Variants in CADM2 observed in about 807,000 individuals in gnomAD.
CADM2 encodes the protein immunoglobulin superfamily member 4D.
Under a neutral mutation model 49.8 loss-of-function variants are expected in CADM2, and 12 were observed. The ratio of observed to expected loss-of-function variants is 0.24; its 90% confidence interval spans 0.15 to 0.39. The LOEUF is 0.39. Ranked by LOEUF, CADM2 falls within the 10% of genes least tolerant of loss-of-function variation. The probability of loss-of-function intolerance (pLI) is 1.00; values close to 1 mark genes in which losing one functional copy is unlikely to be tolerated. For missense variants in CADM2, 378 were observed against 492.3 expected (o/e 0.77, Z 2.20); for synonymous variants, 214 against 175.4 (o/e 1.22, Z -1.74).
At chr3:85,135,830 G>C (rs1207325091) in intron 1 of CADM2, among the ~76,000 whole-genome samples, 1 of 151,912 alleles carries the variant, frequency 6.6e-6, no homozygotes, top group Non-Finnish European at 1.5e-5. Context: ...ATCTATTAGA[G>C]AGCCGTAGTA....
chr3:85,815,832 T>C (rs1226038998), intron 3 of CADM2, among the ~76,000 whole-genome samples: 1 of 152,184 alleles, frequency 6.6e-6, no homozygotes, highest in Non-Finnish European at 1.5e-5. Flanking sequence ...GACATGATTG[T>C]ATATTTAGAA....
chr3:85,461,047 A>G lies in CADM2; in HGVS notation c.62-265475A>G, dbSNP rs545855940. Among the ~76,000 whole-genome samples, 4 of 152,270 alleles carry G rather than the reference A, an allele frequency of 2.6e-5. No individual in the cohort carries two copies. The South Asian group carries it at 8.3e-4, about 32-fold the overall frequency. On this transcript the variant is annotated intron_variant, in intron 1 of 9. Transcript: ENST00000383699. ...TATTATTTTAATTCACAAACTTTATATTTCACAGAAGTTTTCCATTCACAG... is the reference window on the plus strand; with the variant it reads ...TATTATTTTAATTCACAAACTTTATGTTTCACAGAAGTTTTCCATTCACAG...
At position 85,844,964 on chromosome 3, in the gene CADM2, A is replaced by G. The variant is rs532270384; in HGVS notation, c.239-38327A>G. On this transcript the variant is annotated intron_variant, in intron 3 of 9. Transcript: ENST00000383699. ...CGAGGAGTTTGAGACCAGCATGGGC[A>G]ACAGAGTGAGATGCCTATCTTTACA... 1.5e-4 allele frequency among the ~76,000 whole-genome samples: 23 copies of G among 152,012 alleles called. No individual in the cohort carries two copies. The East Asian group carries it at 4.3e-3, about 28-fold the overall frequency.
chr3:85,940,524 A>G (rs1408557844), intron 7 of CADM2, among the ~76,000 whole-genome samples: 2 of 152,158 alleles, frequency 1.3e-5, no homozygotes, highest in African/African-American at 4.8e-5. Flanking sequence ...GTTTACCAAA[A>G]TAAGATAAAA....
intron 2 of CADM2, among the ~76,000 whole-genome samples, chr3:85,736,147 A>G (rs1185089170): frequency 1.3e-5 from 2 of 152,186 alleles, no homozygotes; most frequent in Non-Finnish European, 2.9e-5. Flanking sequence ...ATAAAAAAGA[A>G]AATAAAATAA....
intron 4 of CADM2, among the ~76,000 whole-genome samples, chr3:85,885,724 C>A (rs1239137864): frequency 6.9e-6 from 1 of 145,080 alleles, no homozygotes; most frequent in Non-Finnish European, 1.5e-5. Context: ...TGGTGGTGCA[C>A]ACCTGTAATC....
At chr3:85,139,337 C>A (rs1254410758) in intron 1 of CADM2, among the ~76,000 whole-genome samples, 1 of 151,850 alleles carries the variant, frequency 6.6e-6, no homozygotes, top group Non-Finnish European at 1.5e-5. Flanking sequence ...ATTATATCCC[C>A]CAAAATATCA....
intron 1 of CADM2, among the ~76,000 whole-genome samples, chr3:84,984,202 T>C (rs1281236592): frequency 6.6e-6 from 1 of 151,916 alleles, no homozygotes; most frequent in Non-Finnish European, 1.5e-5. Flanking sequence ...CCTCCCATAT[T>C]TCTTCACCAT....
At chr3:84,974,030 C>T (rs997783625) in intron 1 of CADM2, among the ~76,000 whole-genome samples, 1 of 152,066 alleles carries the variant, frequency 6.6e-6, no homozygotes, top group Non-Finnish European at 1.5e-5. Flanking sequence ...GAGAAACACA[C>T]ATCATATGAA....
At chr3:85,367,828 T>C (rs201095650) in intron 1 of CADM2, among the ~76,000 whole-genome samples, 1 of 48,346 alleles carries the variant, frequency 2.1e-5, no homozygotes, top group East Asian at 7.3e-4. Context: ...TATATATACA[T>C]ATATATGTGT....
At chr3:85,993,884 G>A (rs1729066188) in intron 8 of CADM2, 1 of 151,732 alleles carries the variant, frequency 6.6e-6, no homozygotes, top group Admixed American at 6.6e-5. Context: ...CTAACACCCA[G>A]GCCTTGTTAT....
At chr3:85,344,240 G>A (rs1159469094) in intron 1 of CADM2, among the ~76,000 whole-genome samples, 1 of 151,678 alleles carries the variant, frequency 6.6e-6, no homozygotes, top group Non-Finnish European at 1.5e-5. Flanking sequence ...AATTAGCTGG[G>A]CGTGGTGGCA....
intron 1 of CADM2, among the ~76,000 whole-genome samples, chr3:85,267,910 G>A (rs1018665118): frequency 6.6e-6 from 1 of 151,284 alleles, no homozygotes; most frequent in African/African-American, 2.4e-5. Flanking sequence ...CATTACATTC[G>A]TTCATTTGTA....
intron 1 of CADM2, among the ~76,000 whole-genome samples, chr3:85,013,655 G>A (rs1430778360): frequency 6.6e-6 from 1 of 151,012 alleles, no homozygotes; most frequent in Admixed American, 6.6e-5. Flanking sequence ...ATGGTTAATG[G>A]TAAAATTTCT....
chr3:85,269,421 G>A (rs148326744), intron 1 of CADM2, among the ~76,000 whole-genome samples: 17 of 151,344 alleles, frequency 1.1e-4, no homozygotes, highest in African/African-American at 3.9e-4. Context: ...ACCCCAAAAA[G>A]TAAATTAATT....
At chr3:85,912,320 ATC>A (rs1166990088) in intron 5 of CADM2, 51 bp from the exon 6 acceptor site, 4 of 1,352,720 alleles carry the variant, frequency 3.0e-6, no homozygotes, top group Non-Finnish European at 2.0e-6. Context: ...AGTAAATGCA[ATC>A]TGTTTTATTT....
At chr3:85,122,028 T>G (rs2038882180) in intron 1 of CADM2, among the ~76,000 whole-genome samples, 2 of 152,130 alleles carry the variant, frequency 1.3e-5, no homozygotes. Flanking sequence ...TCTCATCTTT[T>G]TTTTTTGTCA....
intron 1 of CADM2, among the ~76,000 whole-genome samples, chr3:85,052,526 A>G (rs1437499833): frequency 2.6e-5 from 4 of 151,938 alleles, no homozygotes; most frequent in African/African-American, 4.8e-5. Flanking sequence ...AATATGCCAC[A>G]CTCTCAGGTA....
chr3:84,993,594 T>A (rs542323874), intron 1 of CADM2, among the ~76,000 whole-genome samples: 5 of 152,296 alleles, frequency 3.3e-5, no homozygotes, highest in African/African-American at 1.2e-4. Flanking sequence ...CAAAAGGGTT[T>A]GTTTTTTCCA....
Sources: allele counts gnomAD v4.1 joint callset (sites outside exome capture counted in the v4.1 genomes callset), GRCh38; gene constraint gnomAD v4.1.1; transcripts MANE v1.5; gene names NCBI Gene and HGNC (gene_info 2026-07-23, HGNC 2026-07-21).